JRK: variants seen among roughly 807,000 people sequenced by gnomAD.
JRK encodes Jrk helix-turn-helix protein.
For missense variants in JRK, 720 were observed against 509.2 expected (o/e 1.41, Z -3.98); for synonymous variants, 303 against 218.1 (o/e 1.39, Z -3.43).
Position 142,661,591 on chromosome 8 carries a change from G to C in JRK, c.*2761C>G. ...CTTGCAGGGGCACTGTGAGAAGACA[G>C]GGAGTGGCTCCAGCCTGGTGCTCAC... On this transcript the variant is annotated 3_prime_UTR_variant, in exon 2 of 2. Coordinates refer to ENST00000612905, the MANE Select transcript of JRK (RefSeq NM_003724.4). 5.1e-6 allele frequency: 5 copies of C among 985,544 alleles called. No homozygotes were observed. The highest frequency in any genetic ancestry group is 6.0e-6 in the Non-Finnish European group (5 of 830,010). 61.0% of individuals were successfully genotyped at this position (985,544 alleles called of 1,614,324 possible). A position where few individuals can be genotyped will look rare whatever the true frequency, so the allele number is the denominator to read the frequency against.
chr8:142,665,467 T>G lies in JRK; in HGVS notation c.592A>C (p.Asn198His). Residue 198 changes from asparagine to histidine, a missense_variant, in exon 2 of 2, where the codon AAT becomes CAT. Transcript: ENST00000612905. ...ETGLFWRCLP[N>H]PTPEGGAVPG... The stretch of plus-strand genomic sequence containing the variant: ...ACAGCCCCGCCTTCCGGAGTGGGAT[T>G]TGGCAGGCACCGCCAGAAAAGGCCG... 1.4e-6 allele frequency: 1 copy of G among 717,968 alleles called. No homozygotes were observed. Among genetic ancestry groups the G allele is most frequent in the Non-Finnish European group, 2.6e-6 (1 of 385,076 alleles). 44.5% of individuals were successfully genotyped at this position (717,968 alleles called of 1,614,324 possible). A position where few individuals can be genotyped will look rare whatever the true frequency, so the allele number is the denominator to read the frequency against.
rs1468883389 is a variant in JRK, at chr8:142,663,877, G to A, written c.*475C>T. ...GTGCTCGGGGTCCACCCAACACGGG[G>A]ATGGCCGCCAGCCCAGCAGATAGAG... is the stretch of plus-strand genomic sequence containing the variant. On this transcript the variant is annotated 3_prime_UTR_variant, in exon 2 of 2. Transcript: ENST00000612905. The A allele has an allele frequency of 1.0e-6, 1 of 989,806 alleles. No individual in the cohort carries two copies. Among genetic ancestry groups the A allele is most frequent in the African/African-American group, 1.7e-5 (1 of 57,448 alleles). 61.3% of individuals were successfully genotyped at this position (989,806 alleles called of 1,614,324 possible). A position where few individuals can be genotyped will look rare whatever the true frequency, so the allele number is the denominator to read the frequency against.
chr8:142,660,389 C>T lies in JRK; in HGVS notation c.*3963G>A, dbSNP rs1215301183. ...CCCCGACCCTGATCTCCACACCTGACCCCAAAGCACATTTTGTTATTTTTT... is the reference window on the plus strand; with the variant it reads ...CCCCGACCCTGATCTCCACACCTGATCCCAAAGCACATTTTGTTATTTTTT... On this transcript the variant is annotated 3_prime_UTR_variant, in exon 2 of 2. Coordinates refer to ENST00000612905, the MANE Select transcript of JRK (RefSeq NM_003724.4). The T allele has an allele frequency of 1.4e-5, 14 of 985,520 alleles. No individual in the cohort carries two copies. The highest frequency in any genetic ancestry group is 1.1e-4 in the East Asian group (1 of 8,830). The allele number at this position is 985,520 out of a possible 1,614,324, so 61.0% of individuals were successfully genotyped here.
chr8:142,667,449 A>ACACAC (rs71313237), intron 1 of JRK, among the ~76,000 whole-genome samples: 1 of 150,768 alleles, frequency 6.6e-6, no homozygotes, highest in Non-Finnish European at 1.5e-5. Flanking sequence ...ACACACACAC[A>ACACAC]CACACACACA....
the JRK span, among the ~76,000 whole-genome samples, chr8:142,643,831 A>C: frequency 6.6e-6 from 1 of 152,250 alleles, no homozygotes; most frequent in Non-Finnish European, 1.5e-5. Context: ...TACTTATGTA[A>C]ATAACTGTAT....
chr8:142,667,139 G>C (rs1847152479), intron 1 of JRK, among the ~76,000 whole-genome samples: 1 of 152,226 alleles, frequency 6.6e-6, no homozygotes, highest in Non-Finnish European at 1.5e-5. Context: ...TAGAACAGCA[G>C]GCCTCAAGCT....
Position 142,660,204 on chromosome 8 carries a change from G to A in JRK, c.*4148C>T. ...CGCAGTGCCCGAGAGCTCAGCCCTT[G>A]TCAAGGAGAGTCCTCGAACCCAGAG... is the stretch of plus-strand genomic sequence containing the variant. On this transcript the variant is annotated 3_prime_UTR_variant, in exon 2 of 2. Coordinates refer to ENST00000612905, the MANE Select transcript of JRK (RefSeq NM_003724.4). 1.0e-6 allele frequency: 1 copy of A among 985,530 alleles called. No homozygotes were observed. Among genetic ancestry groups the A allele is most frequent in the Non-Finnish European group, 1.2e-6 (1 of 829,996 alleles). The allele number at this position is 985,530 out of a possible 1,614,324, so 61.0% of individuals were successfully genotyped here.
intron 1 of JRK, among the ~76,000 whole-genome samples, chr8:142,668,075 C>T (rs1393387863): frequency 6.6e-6 from 1 of 152,224 alleles, no homozygotes; most frequent in Admixed American, 6.5e-5. Flanking sequence ...GTGCTATGGG[C>T]AGGGGTCTCC....
rs587652544 is a variant in JRK, at chr8:142,664,705, G to A, written c.1354C>T (p.Pro452Ser). Residue 452 changes from proline to serine, a missense_variant, in exon 2 of 2, where the codon CCC (proline) becomes TCC (serine). Physicochemically the swap from Pro to Ser is moderately conservative, Grantham distance 74. Coordinates refer to ENST00000612905, the MANE Select transcript of JRK (RefSeq NM_003724.4). The stretch of plus-strand genomic sequence containing the variant: ...TCTGCTGGCGACGTGGCAGCAGGGG[G>A]CCGTCCCCCTTCTGCCTCCCTTCCC... Reference protein sequence around the residue: ...VAGREAEGGRPPAATSPAEVV... With the variant: ...VAGREAEGGRSPAATSPAEVV... The A allele has an allele frequency of 8.7e-5, 140 of 1,607,422 alleles. No homozygotes were observed. In the Middle Eastern group the frequency reaches 9.9e-4, roughly 11 times the overall value.
Position 142,662,640 on chromosome 8 carries a change from A to C in JRK, c.*1712T>G, listed in dbSNP as rs1846951555. 1.0e-6 allele frequency: 1 copy of C among 985,338 alleles called. No homozygotes were observed. The highest frequency in any genetic ancestry group is 6.1e-5 in the Admixed American group (1 of 16,266). The allele number at this position is 985,338 out of a possible 1,614,324, so 61.0% of individuals were successfully genotyped here. ...AAAGCAAGAAACACACACTTCCAGG[A>C]CATAGATAGGGCTCTGTCAGCAATG... On this transcript the variant is annotated 3_prime_UTR_variant, in exon 2 of 2. Transcript: ENST00000612905.
At chr8:142,646,569 T>C in the JRK span, among the ~76,000 whole-genome samples, 1 of 152,222 alleles carries the variant, frequency 6.6e-6, no homozygotes, top group Non-Finnish European at 1.5e-5. Flanking sequence ...GGGAGAAGTA[T>C]AAAATTGCTT....
chr8:142,655,683 A>G (rs1377502421), downstream of JRK, among the ~76,000 whole-genome samples: 3 of 152,190 alleles, frequency 2.0e-5, no homozygotes, highest in African/African-American at 7.2e-5. Flanking sequence ...GGCACTAGTG[A>G]CCAGCCAGGT....
Position 142,658,170 on chromosome 8 carries a change from C to G in JRK, c.*6182G>C, listed in dbSNP as rs1365272890. 2 of 152,342 alleles carry G rather than the reference C, an allele frequency of 1.3e-5. No homozygotes were observed. The highest frequency in any genetic ancestry group is 4.8e-5 in the African/African-American group (2 of 41,484). 9.4% of individuals were successfully genotyped at this position (152,342 alleles called of 1,614,324 possible). The stretch of plus-strand genomic sequence containing the variant: ...TGAGGAGTTAGGGGCAATGGCAGAA[C>G]TGCCTGGACCTGAAGCAGGCTGGAA... On this transcript the variant is annotated 3_prime_UTR_variant, in exon 2 of 2. Coordinates refer to ENST00000612905, the MANE Select transcript of JRK (RefSeq NM_003724.4).
At chr8:142,669,483 T>C (rs587628510) in intron 1 of JRK, among the ~76,000 whole-genome samples, 1 of 152,146 alleles carries the variant, frequency 6.6e-6, no homozygotes, top group South Asian at 2.1e-4. Context: ...GGTCCCCGTT[T>C]GTGGGTAGAA....
chr8:142,654,790 C>T (rs587621501), downstream of JRK, among the ~76,000 whole-genome samples: 102 of 152,084 alleles, frequency 6.7e-4, no homozygotes, highest in African/African-American at 2.3e-3. Flanking sequence ...CTCCTGGGTG[C>T]TGATTTGCTG....
chr8:142,663,247 C>A lies in JRK; in HGVS notation c.*1105G>T, dbSNP rs370947982. The A allele has an allele frequency of 8.1e-6, 8 of 985,468 alleles. No homozygotes were observed. The highest frequency in any genetic ancestry group is 2.3e-4 in the East Asian group (2 of 8,818). 61.0% of individuals were successfully genotyped at this position (985,468 alleles called of 1,614,324 possible). On this transcript the variant is annotated 3_prime_UTR_variant, in exon 2 of 2. Coordinates refer to ENST00000612905, the MANE Select transcript of JRK (RefSeq NM_003724.4). ...GGCGTTCTGGAATCTCAGCTGCAGG[C>A]AGTGAGTGTTGCCCGTGAAATGGAG...
At chr8:142,655,968 C>G (rs1237150462), downstream of JRK, among the ~76,000 whole-genome samples, 1 of 152,166 alleles carries the variant, frequency 6.6e-6, no homozygotes, top group Non-Finnish European at 1.5e-5. Flanking sequence ...GCAATATTGG[C>G]TCACCCCTTC....
chr8:142,665,285 C>G lies in JRK; in HGVS notation c.774G>C (p.Gly258=). 1.4e-6 allele frequency: 1 copy of G among 717,842 alleles called. No homozygotes were observed. The highest frequency in any genetic ancestry group is 1.5e-5 in the South Asian group (1 of 67,596). 44.5% of individuals were successfully genotyped at this position (717,842 alleles called of 1,614,324 possible). ...QHLPVAYKAQ[G]NAWVDKEIFS... ...AAATCTCCTTGTCCACCCAGGCGTT[C>G]CCCTGGGCCTTATAGGCGACGGGCA... is the stretch of plus-strand genomic sequence containing the variant. The change falls in exon 2 of 2, where the codon GGG becomes GGC. Residue 258 remains glycine (G), a synonymous_variant. Transcript: ENST00000612905.
chr8:142,665,663 G>T lies in JRK; in HGVS notation c.396C>A (p.Ser132=). The change falls in exon 2 of 2, where the codon TCC becomes TCA. Residue 132 remains serine (S), a synonymous_variant. Transcript: ENST00000612905. ...QMQLTEPCVF[S]GGWLWRFKAR... is the part of the protein sequence containing the mutation. ...CCTTAAAGCGCCAAAGCCACCCTCCGGAGAACACGCAGGGCTCAGTGAGCT... is the reference window on the plus strand; with the variant it reads ...CCTTAAAGCGCCAAAGCCACCCTCCTGAGAACACGCAGGGCTCAGTGAGCT... 1 of 722,296 alleles carries T rather than the reference G, an allele frequency of 1.4e-6. No individual in the cohort carries two copies. The allele number at this position is 722,296 out of a possible 1,614,324, so 44.7% of individuals were successfully genotyped here.
Sources: gnomAD v4.1 joint callset for allele counts (sites outside exome capture counted in the v4.1 genomes callset) on GRCh38, gnomAD v4.1.1 for gene constraint, MANE v1.5 for transcripts, NCBI Gene and HGNC (gene_info 2026-07-23, HGNC 2026-07-21) for gene names.